SPAG16: variants seen among roughly 807,000 people sequenced by gnomAD.
SPAG16 encodes the protein sperm associated antigen 16.
SPAG16 carries 86 observed loss-of-function variants against 80.4 expected under a neutral mutation model. That is an observed-to-expected ratio of 1.07 (90% CI 0.90 to 1.28). The LOEUF is 1.28. SPAG16 is among the 50% of genes most tolerant of loss of function. The pLI is 0.00. For missense variants in SPAG16, 870 were observed against 765.3 expected (o/e 1.14, Z -1.61); for synonymous variants, 294 against 265.9 (o/e 1.11, Z -1.03).
chr2:213,508,988 T>TCTTTC (rs1486022111), intron 10 of SPAG16, among the ~76,000 whole-genome samples: 1 of 151,110 alleles, frequency 6.6e-6, no homozygotes, highest in Non-Finnish European at 1.5e-5. Context: ...TACAATATTT[T>TCTTTC]CTTTTCTTTT....
chr2:213,549,623 A>C (rs1441134063), intron 10 of SPAG16, among the ~76,000 whole-genome samples: 1 of 152,174 alleles, frequency 6.6e-6, no homozygotes, highest in African/African-American at 2.4e-5. Context: ...TGTGGAAGCT[A>C]AACAGATCTC....
intron 14 of SPAG16, among the ~76,000 whole-genome samples, chr2:214,137,043 G>A (rs1430185730): frequency 6.6e-6 from 1 of 151,950 alleles, no homozygotes; most frequent in Non-Finnish European, 1.5e-5. Flanking sequence ...TCACTTGACA[G>A]GTACTGTGTG....
chr2:214,312,817 T>C (rs1023412640), intron 15 of SPAG16, among the ~76,000 whole-genome samples: 4 of 152,166 alleles, frequency 2.6e-5, no homozygotes, highest in Admixed American at 1.3e-4. Context: ...TACAGTGTAA[T>C]ATAATTAGTA....
At chr2:213,531,460 G>A (rs1003896992) in intron 10 of SPAG16, among the ~76,000 whole-genome samples, 6 of 151,722 alleles carry the variant, frequency 4.0e-5, no homozygotes, top group Non-Finnish European at 7.4e-5. Flanking sequence ...CAATAGAGGA[G>A]AGAGAATGGA....
chr2:213,948,344 A>G (rs1017296482), intron 12 of SPAG16, among the ~76,000 whole-genome samples: 4 of 152,188 alleles, frequency 2.6e-5, no homozygotes, highest in African/African-American at 9.6e-5. Context: ...AAAACAAGCA[A>G]TAAAGGAAGT....
At chr2:213,378,785 A>G (rs1575426564) in intron 9 of SPAG16, among the ~76,000 whole-genome samples, 1 of 152,138 alleles carries the variant, frequency 6.6e-6, no homozygotes, top group African/African-American at 2.4e-5. Context: ...GAGTGACCCA[A>G]ACCTTCATTC....
At chr2:213,654,115 A>G (rs2063126097) in intron 10 of SPAG16, among the ~76,000 whole-genome samples, 1 of 152,200 alleles carries the variant, frequency 6.6e-6, no homozygotes, top group Non-Finnish European at 1.5e-5. Context: ...CTGATAGTCA[A>G]TACTAAATCA....
chr2:213,798,552 G>A (rs967986481), intron 10 of SPAG16, among the ~76,000 whole-genome samples: 6 of 152,038 alleles, frequency 3.9e-5, no homozygotes, highest in African/African-American at 9.7e-5. Context: ...CACTGCACCC[G>A]GCCTCTGTGG....
chr2:214,207,401 T>C (rs1373465913), intron 15 of SPAG16, among the ~76,000 whole-genome samples: 3 of 152,180 alleles, frequency 2.0e-5, no homozygotes, highest in Admixed American at 2.0e-4. Flanking sequence ...ATTTACTTGA[T>C]TATGTGCTCA....
At chr2:213,834,969 G>A (rs2073996191) in intron 10 of SPAG16, among the ~76,000 whole-genome samples, 1 of 151,944 alleles carries the variant, frequency 6.6e-6, no homozygotes, top group Admixed American at 6.6e-5. Flanking sequence ...TCTTTTATTG[G>A]GTAACATTTT....
At chr2:213,310,370 ACAC>A in intron 4 of SPAG16, among the ~76,000 whole-genome samples, 193 bp downstream of exon 4, 1 of 126,772 alleles carries the variant, frequency 7.9e-6, no homozygotes, top group African/African-American at 2.8e-5. Context: ...ACACACACAC[ACAC>A]AAATCAGAAT....
chr2:213,702,010 C>A (rs2065452425), intron 10 of SPAG16, among the ~76,000 whole-genome samples: 1 of 152,138 alleles, frequency 6.6e-6, no homozygotes, highest in Non-Finnish European at 1.5e-5. Flanking sequence ...TTGTGTCTAG[C>A]TGAAGGTTTG....
intron 15 of SPAG16, among the ~76,000 whole-genome samples, chr2:214,263,556 C>G (rs553295890): frequency 6.6e-6 from 1 of 152,148 alleles, no homozygotes; most frequent in Non-Finnish European, 1.5e-5. Flanking sequence ...ACTTCAAGGT[C>G]TCAGGTGTTG....
rs188981203 is a variant in SPAG16 at position 214,244,872 on chromosome 2, T to C, written c.1720+95606T>C. ...ACAAGACTTTGTTTAGAAGTTTCTG[T>C]AGTCTTAACCTGCCTACCTCTTCTG... On this transcript the variant is annotated intron_variant, in intron 15 of 15. Transcript: ENST00000331683. Among the ~76,000 whole-genome samples the C allele has an allele frequency of 2.2e-3, 331 of 152,254 alleles. 1 individual carries two copies. The highest frequency in any genetic ancestry group is 3.5e-3 in the Non-Finnish European group (239 of 68,002).
At chr2:214,332,302 T>C (rs1357813189) in intron 15 of SPAG16, among the ~76,000 whole-genome samples, 1 of 152,162 alleles carries the variant, frequency 6.6e-6, no homozygotes, top group Non-Finnish European at 1.5e-5. Flanking sequence ...CTTTGTGGAA[T>C]TCTTTGAAGA....
At chr2:214,032,034 T>C (rs1041993378) in intron 13 of SPAG16, among the ~76,000 whole-genome samples, 7 of 152,206 alleles carry the variant, frequency 4.6e-5, no homozygotes, top group African/African-American at 1.7e-4. Flanking sequence ...CAAGTTCCAG[T>C]TGCTCATAGT....
At chr2:214,161,205 A>T (rs1326384066) in intron 15 of SPAG16, among the ~76,000 whole-genome samples, 2 of 152,052 alleles carry the variant, frequency 1.3e-5, no homozygotes, top group South Asian at 2.1e-4. Context: ...TCTATTATTG[A>T]TGGGCAATTA....
intron 15 of SPAG16, among the ~76,000 whole-genome samples, chr2:214,262,431 TTTG>T (rs1449916999): frequency 3.9e-5 from 6 of 152,022 alleles, no homozygotes; most frequent in Non-Finnish European, 8.8e-5. Context: ...TTGAAGAGTC[TTTG>T]TTATCATTAT....
intron 10 of SPAG16, among the ~76,000 whole-genome samples, chr2:213,794,430 G>T (rs1365095824): frequency 6.6e-6 from 1 of 152,098 alleles, no homozygotes; most frequent in African/African-American, 2.4e-5. Flanking sequence ...TCTGTAAATA[G>T]TAAGGGCTAT....
Sources: allele counts gnomAD v4.1 joint callset (sites outside exome capture counted in the v4.1 genomes callset), GRCh38; gene constraint gnomAD v4.1.1; transcripts MANE v1.5; gene names NCBI Gene and HGNC (gene_info 2026-07-23, HGNC 2026-07-21).